SV2C: variants seen among roughly 807,000 people sequenced by gnomAD.
SV2C encodes synaptic vesicle glycoprotein 2C, also known as solute carrier family 22 member B3.
SV2C carries 49 observed loss-of-function variants against 79.7 expected under a neutral mutation model. That is an observed-to-expected ratio of 0.61 (90% CI 0.49 to 0.78). The LOEUF (loss-of-function observed/expected upper bound fraction) is 0.78. Among genes scored for constraint, SV2C ranks in the 30% least tolerant of loss-of-function variants. The pLI is 0.00. For synonymous variants in SV2C, 334 were observed against 333.2 expected, an observed-to-expected ratio of 1.00 and a Z score of -0.03; for missense variants, 833 against 912.9, an observed-to-expected ratio of 0.91 and a Z score of 1.13.
the SV2C span, among the ~76,000 whole-genome samples, chr5:76,026,200 A>AG: frequency 2.4e-5 from 3 of 126,528 alleles, no homozygotes; most frequent in Admixed American, 2.6e-4. Flanking sequence ...GCAAATTTAC[A>AG]AACACACACA....
At chr5:76,351,568 G>A (rs1749642639) in intron 12 of SV2C, among the ~76,000 whole-genome samples, 1 of 152,194 alleles carries the variant, frequency 6.6e-6, no homozygotes, top group East Asian at 1.9e-4. Context: ...TGGATGCCAG[G>A]CTGCATCTAG....
intron 4 of SV2C, among the ~76,000 whole-genome samples, chr5:76,278,372 G>C (rs879289743): frequency 6.6e-6 from 1 of 152,270 alleles, no homozygotes; most frequent in East Asian, 1.9e-4. Flanking sequence ...AGGCCTACGT[G>C]AGTGGGATTT....
chr5:76,024,326 A>G, the SV2C span, among the ~76,000 whole-genome samples: 2 of 152,114 alleles, frequency 1.3e-5, no homozygotes, highest in Non-Finnish European at 2.9e-5. Context: ...TTCAAAATAT[A>G]TATATTTGCT....
At chr5:75,922,592 C>T in the SV2C span, among the ~76,000 whole-genome samples, 1 of 152,186 alleles carries the variant, frequency 6.6e-6, no homozygotes, top group Admixed American at 6.5e-5. Context: ...CAAAACATTT[C>T]CTCACCCTGG....
At chr5:76,059,853 C>T in the SV2C span, among the ~76,000 whole-genome samples, 1 of 152,102 alleles carries the variant, frequency 6.6e-6, no homozygotes. Flanking sequence ...TTACAAAATA[C>T]ATTTCTTAAA....
At position 76,194,868 on chromosome 5, in the gene SV2C, G is replaced by A. The variant is rs746683345; in HGVS notation, c.581-51G>A. 9 of 1,590,414 alleles carry A rather than the reference G, an allele frequency of 5.7e-6. No individual in the cohort carries two copies. In the African/African-American group the frequency reaches 1.2e-4, roughly 22 times the overall value. On this transcript the variant is annotated intron_variant, in intron 2 of 12. Transcript: ENST00000502798. ...TCCTTGTTCACTTGCTGTTACATGT[G>A]TCATTGACTCCCAACCTCTGATGTG...
the SV2C span, among the ~76,000 whole-genome samples, chr5:75,954,109 T>A: frequency 5.3e-5 from 8 of 151,964 alleles, no homozygotes; most frequent in Non-Finnish European, 1.2e-4. Context: ...AACATAATAA[T>A]AACTAAGATT....
At chr5:76,011,180 TC>T in the SV2C span, among the ~76,000 whole-genome samples, 1 of 152,186 alleles carries the variant, frequency 6.6e-6, no homozygotes, top group African/African-American at 2.4e-5. Flanking sequence ...AAGTTTTACT[TC>T]CCACAGAGAC....
chr5:76,030,266 G>GTTTTTTTTTTTTTTTTT, the SV2C span, among the ~76,000 whole-genome samples: 4 of 31,948 alleles, frequency 1.3e-4, no homozygotes, highest in African/African-American at 2.9e-4. Flanking sequence ...TCAGAGGCTT[G>GTTTTTTTTTTTTTTTTT]TTTTTTTTTT....
chr5:76,025,173 GTTT>G, the SV2C span, among the ~76,000 whole-genome samples: 1,177 of 138,430 alleles, frequency 8.5e-3, 14 homozygotes, highest in African/African-American at 0.029. Flanking sequence ...CCTTGAGCAC[GTTT>G]TTTTTTTTTT....
At chr5:76,071,985 A>G in the SV2C span, among the ~76,000 whole-genome samples, 1 of 152,304 alleles carries the variant, frequency 6.6e-6, no homozygotes, top group South Asian at 2.1e-4. Context: ...GAGGATCCAC[A>G]ACACTTGCTC....
At chr5:76,005,804 C>T in the SV2C span, among the ~76,000 whole-genome samples, 10 of 152,084 alleles carry the variant, frequency 6.6e-5, no homozygotes, top group Non-Finnish European at 1.0e-4. Flanking sequence ...TCATTTCAGC[C>T]CCTGGATCCA....
chr5:76,195,173 G>C, intron 3 of SV2C, 74 bp downstream of exon 3: 1 of 1,487,488 alleles, frequency 6.7e-7, no homozygotes. Flanking sequence ...GAACCTTATT[G>C]GGAGGAAATT....
intron 4 of SV2C, among the ~76,000 whole-genome samples, chr5:76,283,067 C>T (rs1747245725): frequency 6.6e-6 from 1 of 151,910 alleles, no homozygotes; most frequent in African/African-American, 2.4e-5. Flanking sequence ...GTAATCCTAG[C>T]ACTTTGGAAG....
At chr5:76,213,778 A>C (rs1744837665) in intron 4 of SV2C, among the ~76,000 whole-genome samples, 1 of 152,196 alleles carries the variant, frequency 6.6e-6, no homozygotes, top group Non-Finnish European at 1.5e-5. Flanking sequence ...AGTACAGTAC[A>C]ATATTATTAA....
At chr5:75,948,488 G>A in the SV2C span, among the ~76,000 whole-genome samples, 2 of 151,956 alleles carry the variant, frequency 1.3e-5, no homozygotes, top group East Asian at 3.9e-4. Flanking sequence ...GAAAAGAGTA[G>A]GTAAATATAT....
chr5:75,907,394 G>A, the SV2C span, among the ~76,000 whole-genome samples: 2 of 152,142 alleles, frequency 1.3e-5, no homozygotes, highest in African/African-American at 2.4e-5. Flanking sequence ...TCTGTGCCAG[G>A]TTCTGGGGCC....
At chr5:76,336,553 G>A (rs1180190249), downstream of SV2C, among the ~76,000 whole-genome samples, 1 of 152,144 alleles carries the variant, frequency 6.6e-6, no homozygotes, top group Non-Finnish European at 1.5e-5. Context: ...GCTGGGAGGT[G>A]GAGGCCGCAG....
At chr5:76,203,938 T>G (rs989726083) in intron 3 of SV2C, among the ~76,000 whole-genome samples, 3 of 152,230 alleles carry the variant, frequency 2.0e-5, no homozygotes, top group Non-Finnish European at 4.4e-5. Flanking sequence ...GTTACCAGTA[T>G]GTGTTTTTCT....
Sources: gnomAD v4.1 joint callset for allele counts (sites outside exome capture counted in the v4.1 genomes callset) on GRCh38, gnomAD v4.1.1 for gene constraint, MANE v1.5 for transcripts, NCBI Gene and HGNC (gene_info 2026-07-23, HGNC 2026-07-21) for gene names.